TRAPPC3L: variants seen among roughly 807,000 people sequenced by gnomAD.
The protein encoded by TRAPPC3L is trafficking protein particle complex subunit 3L.
Under a neutral mutation model 23.7 loss-of-function variants are expected in TRAPPC3L, and 23 were observed. That is an observed-to-expected ratio of 0.97 (90% confidence interval 0.70 to 1.37). The LOEUF is 1.37. TRAPPC3L is among the 40% of genes most tolerant of loss of function. The pLI is 0.00. For missense variants in TRAPPC3L, 212 were observed against 216.8 expected (o/e 0.98, Z 0.14); for synonymous variants, 81 against 77.9 (o/e 1.04, Z -0.21).
rs1039567392 is a variant in TRAPPC3L, at chr6:116,531,964, C to T, written c.240+8399G>A. On this transcript the variant is annotated intron_variant, in intron 3 of 4. Coordinates refer to ENST00000368602, the MANE Select transcript of TRAPPC3L (RefSeq NM_001139444.3). ...CAATAAAATTACCAAGTTGAGTTCG[C>T]TGTCATTATTTAATAAGAATCAGTT... Among the ~76,000 whole-genome samples, 5 of 151,724 alleles carry T rather than the reference C, an allele frequency of 3.3e-5. No homozygotes were observed. The South Asian group carries it at 8.3e-4, about 25-fold the overall frequency.
chr6:116,510,463 T>G (rs1249561600), intron 3 of TRAPPC3L, among the ~76,000 whole-genome samples: 1 of 151,934 alleles, frequency 6.6e-6, no homozygotes, highest in Non-Finnish European at 1.5e-5. Context: ...TTTTTGGTAT[T>G]TTTTTGTAGA....
Position 116,496,975 on chromosome 6 carries a change from T to C in TRAPPC3L, c.525A>G (p.Lys175=). 4 of 1,546,540 alleles carry C rather than the reference T, an allele frequency of 2.6e-6. No homozygotes were observed. The highest frequency in any genetic ancestry group is 3.5e-6 in the Non-Finnish European group (4 of 1,145,788). Residue 175 remains lysine (K), a synonymous_variant, in exon 5 of 5, where the codon AAA becomes AAG. Transcript: ENST00000368602. ...GTCTTCATTTTTTCCCTCTATATTT[T>C]TTCTCGTCTCGCTTTTTTAGAAATG... The part of the protein sequence containing the change: ...GITFLKKRDE[K]KYRGKK
At chr6:116,506,869 G>A (rs867402647) in intron 3 of TRAPPC3L, among the ~76,000 whole-genome samples, 10 of 152,036 alleles carry the variant, frequency 6.6e-5, no homozygotes, top group African/African-American at 2.4e-4. Flanking sequence ...TGTCAGGCTG[G>A]GGGGCTGGGG....
At chr6:116,519,860 T>G (rs1300252332) in intron 3 of TRAPPC3L, 1 of 152,222 alleles carries the variant, frequency 6.6e-6, no homozygotes, top group Non-Finnish European at 1.5e-5. Context: ...GTTTTTCCTG[T>G]GCAGTTCCTT....
At chr6:116,516,810 A>G (rs1772238056) in intron 3 of TRAPPC3L, 1 of 151,750 alleles carries the variant, frequency 6.6e-6, no homozygotes, top group Admixed American at 6.6e-5. Context: ...CTGATTTTAA[A>G]AGAAATTAAA....
chr6:116,501,706 C>A (rs1427635579), intron 3 of TRAPPC3L, among the ~76,000 whole-genome samples: 1 of 152,170 alleles, frequency 6.6e-6, no homozygotes, highest in Non-Finnish European at 1.5e-5. Flanking sequence ...GTTCTGCAGC[C>A]TCCGCTGGTG....
At chr6:116,497,152 T>C in intron 4 of TRAPPC3L, 79 bp from the exon 5 acceptor site, 1 of 1,464,254 alleles carries the variant, frequency 6.8e-7, no homozygotes, top group Non-Finnish European at 9.1e-7. Flanking sequence ...TTTTTTCAGC[T>C]TTCTTTACTT....
chr6:116,496,917 T>C lies in TRAPPC3L; in HGVS notation c.*37A>G. On this transcript the variant is annotated 3_prime_UTR_variant, in exon 5 of 5. Transcript: ENST00000368602. ...CTATACATGTTTAGCTAACATTAAC[T>C]CAGCTAGCCGCCCCGTGGCATTTTC... 8 of 1,527,278 alleles carry C rather than the reference T, an allele frequency of 5.2e-6. No individual in the cohort carries two copies. Among genetic ancestry groups the C allele is most frequent in the Non-Finnish European group, 7.0e-6 (8 of 1,140,728 alleles). 94.6% of individuals were successfully genotyped at this position (1,527,278 alleles called of 1,614,324 possible).
At chr6:116,517,943 G>C (rs958833316) in intron 3 of TRAPPC3L, 9 of 152,204 alleles carry the variant, frequency 5.9e-5, no homozygotes, top group African/African-American at 2.2e-4. Context: ...GAGAGCTTCT[G>C]CATTGCTCAA....
chr6:116,511,636 A>C (rs1257782775), intron 3 of TRAPPC3L: 16 of 1,517,224 alleles, frequency 1.1e-5, no homozygotes, highest in Non-Finnish European at 1.4e-5. Context: ...ACCCTCGGCC[A>C]CTGCCACAGC....
At chr6:116,504,348 G>C (rs894117056) in intron 3 of TRAPPC3L, among the ~76,000 whole-genome samples, 4 of 152,136 alleles carry the variant, frequency 2.6e-5, no homozygotes, top group Non-Finnish European at 4.4e-5. Context: ...TTGAATCTCT[G>C]AATAGACTAA....
In TRAPPC3L at chr6:116,507,509, G is replaced by T. The variant is rs186335951; in HGVS notation, c.241-6843C>A. On this transcript the variant is annotated intron_variant, in intron 3 of 4. Transcript: ENST00000368602. ...CCTCTCACTGTCCGTACTCCATACT[G>T]CCCAGAACGTGAATCATCCCTTTGT... Among the ~76,000 whole-genome samples the T allele has an allele frequency of 2.0e-5, 3 of 150,870 alleles. No individual in the cohort carries two copies. In the Admixed American group the frequency reaches 2.0e-4, roughly 10 times the overall value.
intron 3 of TRAPPC3L, among the ~76,000 whole-genome samples, chr6:116,537,546 T>G (rs73553443): frequency 6.6e-4 from 100 of 152,344 alleles, no homozygotes; most frequent in African/African-American, 2.3e-3. Flanking sequence ...CATAGAACAT[T>G]TCTTACTCGA....
At chr6:116,512,133 C>A in intron 3 of TRAPPC3L, 1 of 1,613,804 alleles carries the variant, frequency 6.2e-7, no homozygotes, top group Non-Finnish European at 8.5e-7. Flanking sequence ...AAGGGTAAGC[C>A]CAAAGAGTGC....
At chr6:116,514,382 G>A (rs545381164) in intron 3 of TRAPPC3L, among the ~76,000 whole-genome samples, 1 of 152,302 alleles carries the variant, frequency 6.6e-6, no homozygotes, top group East Asian at 1.9e-4. Context: ...TCACTTGATG[G>A]TAGTTGTGCC....
chr6:116,518,767 G>C (rs890270867), intron 3 of TRAPPC3L: 4 of 152,116 alleles, frequency 2.6e-5, no homozygotes, highest in African/African-American at 9.7e-5. Flanking sequence ...CAAGTCCAGG[G>C]ACTTTCTGCA....
chr6:116,522,247 C>G (rs1772359432), intron 3 of TRAPPC3L: 1 of 152,222 alleles, frequency 6.6e-6, no homozygotes, highest in African/African-American at 2.4e-5. Flanking sequence ...TGACCCACTC[C>G]AGTGGAGGCT....
intron 3 of TRAPPC3L, among the ~76,000 whole-genome samples, chr6:116,533,562 A>G (rs1355253355): frequency 7.2e-5 from 11 of 152,192 alleles, no homozygotes. Flanking sequence ...AAAATTTAAA[A>G]CGGCAATAGA....
chr6:116,536,285 T>G (rs1309456070), intron 3 of TRAPPC3L, among the ~76,000 whole-genome samples: 1 of 152,188 alleles, frequency 6.6e-6, no homozygotes, highest in Non-Finnish European at 1.5e-5. Flanking sequence ...TTGCCTTCAA[T>G]GATTTGGCCA....
Sources: allele counts gnomAD v4.1 joint callset (sites outside exome capture counted in the v4.1 genomes callset), GRCh38; gene constraint gnomAD v4.1.1; transcripts MANE v1.5; gene names NCBI Gene and HGNC (gene_info 2026-07-23, HGNC 2026-07-21).